Variants in AGBL4 observed in about 807,000 individuals in gnomAD.
The protein encoded by AGBL4 is AGBL carboxypeptidase 4.
A neutral mutation model predicts 66.4 loss-of-function variants in AGBL4; 58 were observed. The observed-to-expected ratio is 0.87, with a 90% CI of 0.71 to 1.09. AGBL4 has a LOEUF of 1.09. AGBL4 is among the 50% of genes least tolerant of loss of function. The pLI is 0.00. For missense variants in AGBL4, 579 were observed against 631.0 expected (o/e 0.92, Z 0.88); for synonymous variants, 234 against 222.9 (o/e 1.05, Z -0.44).
At chr1:49,048,283 G>C (rs76738764) in intron 4 of AGBL4, 6,633 of 152,122 alleles carry the variant, frequency 0.044, 183 homozygotes, top group East Asian at 0.074. Flanking sequence ...TCAATTCTGT[G>C]ACCACAGTTT....
At chr1:49,251,645 A>G (rs1206725176) in intron 3 of AGBL4, among the ~76,000 whole-genome samples, 1 of 152,180 alleles carries the variant, frequency 6.6e-6, no homozygotes, top group Non-Finnish European at 1.5e-5. Context: ...ACTGTAGTGA[A>G]TGCCTGCAGG....
chr1:49,522,792 A>G (rs1650366771), intron 3 of AGBL4, among the ~76,000 whole-genome samples: 1 of 152,088 alleles, frequency 6.6e-6, no homozygotes, highest in Admixed American at 6.5e-5. Context: ...CCTTTCTGAT[A>G]CAGTGTAGAA....
chr1:49,485,205 C>A (rs1647038994), intron 3 of AGBL4, among the ~76,000 whole-genome samples: 1 of 151,854 alleles, frequency 6.6e-6, no homozygotes, highest in Non-Finnish European at 1.5e-5. Context: ...TTGGAACCAA[C>A]CCAAATGTCC....
chr1:48,678,844 T>C (rs1646410048), intron 6 of AGBL4, among the ~76,000 whole-genome samples: 1 of 152,340 alleles, frequency 6.6e-6, no homozygotes, highest in African/African-American at 2.4e-5. Flanking sequence ...GCATTTTCAA[T>C]TCTAGAAATC....
intron 3 of AGBL4, among the ~76,000 whole-genome samples, chr1:49,489,496 T>C (rs1412838335): frequency 1.3e-5 from 2 of 151,818 alleles, no homozygotes; most frequent in African/African-American, 4.8e-5. Flanking sequence ...CCTCTCCACT[T>C]TCTTGATTGT....
chr1:49,232,808 T>C (rs1401600587), intron 4 of AGBL4, among the ~76,000 whole-genome samples: 1 of 151,946 alleles, frequency 6.6e-6, no homozygotes, highest in Non-Finnish European at 1.5e-5. Flanking sequence ...AGCAATGATA[T>C]TTAGTTTTAA....
intron 3 of AGBL4, among the ~76,000 whole-genome samples, chr1:49,455,445 C>T (rs1570756818): frequency 6.6e-6 from 1 of 151,600 alleles, no homozygotes; most frequent in East Asian, 1.9e-4. Flanking sequence ...TTTGGCTGAT[C>T]ATAATTTTAC....
At chr1:49,097,436 T>C (rs927354677) in intron 4 of AGBL4, among the ~76,000 whole-genome samples, 3 of 152,190 alleles carry the variant, frequency 2.0e-5, no homozygotes, top group Non-Finnish European at 1.5e-5. Flanking sequence ...TGTACACTTA[T>C]TATATGTGTA....
chr1:49,660,647 C>T (rs962071009), intron 3 of AGBL4, among the ~76,000 whole-genome samples: 48 of 152,220 alleles, frequency 3.2e-4, no homozygotes, highest in Admixed American at 3.0e-3. Context: ...AAGATATATG[C>T]ACATGTATGT....
intron 2 of AGBL4, among the ~76,000 whole-genome samples, chr1:49,795,010 C>T (rs1644695291): frequency 6.6e-6 from 1 of 151,562 alleles, no homozygotes; most frequent in African/African-American, 2.4e-5. Context: ...AATCTCTGCC[C>T]TTGAGGTCTT....
At chr1:49,811,001 G>A (rs1645088892) in intron 2 of AGBL4, among the ~76,000 whole-genome samples, 1 of 152,152 alleles carries the variant, frequency 6.6e-6, no homozygotes, top group Non-Finnish European at 1.5e-5. Flanking sequence ...GCAGGACTTA[G>A]TTACTTTTCT....
intron 3 of AGBL4, among the ~76,000 whole-genome samples, chr1:49,408,628 G>A (rs1241143311): frequency 6.6e-6 from 1 of 152,178 alleles, no homozygotes; most frequent in African/African-American, 2.4e-5. Flanking sequence ...CTGAGTCTTA[G>A]GGCCTTCATC....
intron 3 of AGBL4, among the ~76,000 whole-genome samples, chr1:49,447,229 C>T (rs1399124125): frequency 6.6e-6 from 1 of 152,200 alleles, no homozygotes; most frequent in African/African-American, 2.4e-5. Context: ...AATGAGGTCA[C>T]TTCTCACAGC....
intron 3 of AGBL4, among the ~76,000 whole-genome samples, chr1:49,665,652 C>G (rs1460566651): frequency 6.6e-6 from 1 of 152,010 alleles, no homozygotes; most frequent in Non-Finnish European, 1.5e-5. Flanking sequence ...AAAAAAAGTT[C>G]TCAATTAACC....
intron 4 of AGBL4, among the ~76,000 whole-genome samples, chr1:49,076,462 G>T (rs889372422): frequency 6.6e-6 from 1 of 152,170 alleles, no homozygotes; most frequent in South Asian, 2.1e-4. Flanking sequence ...TCACTATTGA[G>T]TGCATTTGAC....
chr1:49,021,718 G>A (rs980380804), intron 5 of AGBL4, among the ~76,000 whole-genome samples: 2 of 152,136 alleles, frequency 1.3e-5, no homozygotes, highest in East Asian at 3.9e-4. Context: ...TAGTATGTGG[G>A]AGAAAATTGT....
At chr1:49,229,830 G>A (rs1650171910) in intron 4 of AGBL4, among the ~76,000 whole-genome samples, 1 of 152,144 alleles carries the variant, frequency 6.6e-6, no homozygotes, top group Non-Finnish European at 1.5e-5. Flanking sequence ...AGACGCCCTG[G>A]AAAACTAACC....
intron 3 of AGBL4, among the ~76,000 whole-genome samples, chr1:49,673,621 A>T (rs957940270): frequency 1.3e-5 from 2 of 152,182 alleles, no homozygotes; most frequent in African/African-American, 4.8e-5. Context: ...ATTAAAAAAG[A>T]AAATTCCCCA....
At chr1:48,704,299 C>T (rs188778831) in intron 6 of AGBL4, among the ~76,000 whole-genome samples, 24 of 152,290 alleles carry the variant, frequency 1.6e-4, no homozygotes, top group African/African-American at 5.5e-4. Context: ...ATGTGAAGGC[C>T]TTGAACATTA....
Sources: allele counts gnomAD v4.1 joint callset (sites outside exome capture counted in the v4.1 genomes callset), GRCh38; gene constraint gnomAD v4.1.1; transcripts MANE v1.5; gene names NCBI Gene and HGNC (gene_info 2026-07-23, HGNC 2026-07-21).